TOP2B: variants seen among roughly 807,000 people sequenced by gnomAD.
TOP2B encodes DNA topoisomerase II beta.
In TOP2B, 51 loss-of-function variants were observed where a neutral mutation model predicts 193.5. That is an observed-to-expected ratio of 0.26 (90% confidence interval 0.21 to 0.33). The LOEUF is 0.33. TOP2B is among the 10% of genes least tolerant of loss of function. The pLI, the probability that TOP2B is intolerant of heterozygous loss-of-function variation, is 1.00. For missense variants in TOP2B, 1,378 were observed against 1,909.3 expected (o/e 0.72, Z 5.19); for synonymous variants, 634 against 635.7 (o/e 1.00, Z 0.04).
At chr3:25,608,965 C>T (rs937819699) in intron 30 of TOP2B, among the ~76,000 whole-genome samples, 1 of 152,034 alleles carries the variant, frequency 6.6e-6, no homozygotes, top group African/African-American at 2.4e-5. Flanking sequence ...ATAAACCAAA[C>T]TTTATAATAA....
intron 25 of TOP2B, among the ~76,000 whole-genome samples, chr3:25,617,912 C>T (rs1305204837): frequency 6.6e-6 from 1 of 152,066 alleles, no homozygotes; most frequent in Non-Finnish European, 1.5e-5. Flanking sequence ...AAATCTCTGG[C>T]TAAAAATCTA....
intron 1 of TOP2B, among the ~76,000 whole-genome samples, chr3:25,663,777 G>A (rs1277118293): frequency 1.3e-5 from 2 of 152,234 alleles, no homozygotes; most frequent in East Asian, 3.9e-4. Flanking sequence ...TGAGATTAAA[G>A]CCCCAGAAAG....
Position 25,635,998 on chromosome 3 carries a change from C to A in TOP2B, c.790G>T (p.Ala264Ser), listed in dbSNP as rs1703096078. The change falls in exon 7 of 36, where the codon GCA (alanine) becomes TCA (serine). Residue 264 changes from alanine (A) to serine (S), a missense_variant. By Grantham distance (99) the Ala-to-Ser change is moderately conservative. Transcript: ENST00000264331. ...CTACACGAACCAGCCAAATCATATG[C>A]CCTTCTAGTCATGAGGGCCACAATA... ...KDIVALMTRR[A>S]YDLAGSCRGV... The A allele has an allele frequency of 6.2e-7, 1 of 1,613,444 alleles. No individual in the cohort carries two copies. Among genetic ancestry groups the A allele is most frequent in the East Asian group, 2.2e-5 (1 of 44,840 alleles).
At chr3:25,612,413 G>T in intron 28 of TOP2B, 102 bp downstream of exon 28, 1 of 856,150 alleles carries the variant, frequency 1.2e-6, no homozygotes, top group South Asian at 2.5e-5. Context: ...AATATATTTT[G>T]AATAAAACAA....
In TOP2B at chr3:25,604,885, G is replaced by A; in HGVS notation, c.4379-15C>T. 2.5e-6 allele frequency: 4 copies of A among 1,584,986 alleles called. No individual in the cohort carries two copies. Among genetic ancestry groups the A allele is most frequent in the Non-Finnish European group, 3.5e-6 (4 of 1,155,842 alleles). ...TTTAGCTGAATCTAAAAATTGCAAAGCCTTCTTTTAGTAAAGAGATGTTAT... is the reference window on the plus strand; with the variant it reads ...TTTAGCTGAATCTAAAAATTGCAAAACCTTCTTTTAGTAAAGAGATGTTAT... On this transcript the variant is annotated splice_polypyrimidine_tract_variant and intron_variant, in intron 32 of 35. Coordinates refer to ENST00000264331, the MANE Select transcript of TOP2B (RefSeq NM_001330700.2).
At chr3:25,616,714 T>C (rs1199534710) in intron 25 of TOP2B, among the ~76,000 whole-genome samples, 1 of 151,926 alleles carries the variant, frequency 6.6e-6, no homozygotes, top group Non-Finnish European at 1.5e-5. Context: ...GTTAGACAAC[T>C]ATAAAAATAT....
At chr3:25,662,730 C>T (rs1703954144) in intron 1 of TOP2B, among the ~76,000 whole-genome samples, 1 of 152,160 alleles carries the variant, frequency 6.6e-6, no homozygotes, top group Admixed American at 6.5e-5. Flanking sequence ...AATGTTAAAG[C>T]CAACAATCCA....
At chr3:25,645,202 A>C in intron 2 of TOP2B, 98 bp downstream of exon 2, 1 of 1,158,718 alleles carries the variant, frequency 8.6e-7, no homozygotes, top group Non-Finnish European at 1.2e-6. Flanking sequence ...TGAAATTACA[A>C]ATTTCCAAAG....
In TOP2B at chr3:25,627,309, A is replaced by G. The variant is rs1216190482; in HGVS notation, c.1907-13T>C. 6.6e-7 allele frequency: 1 copy of G among 1,526,022 alleles called. No individual in the cohort carries two copies. The highest frequency in any genetic ancestry group is 8.8e-7 in the Non-Finnish European group (1 of 1,130,608). 94.5% of individuals were successfully genotyped at this position (1,526,022 alleles called of 1,614,324 possible). A position where few individuals can be genotyped will look rare whatever the true frequency, so the allele number is the denominator to read the frequency against. ...CTAGTACCCAATCCTGCACAATTTTAAAAATAAAAGTGAGTCATGAATATC... is the reference window on the plus strand; with the variant it reads ...CTAGTACCCAATCCTGCACAATTTTGAAAATAAAAGTGAGTCATGAATATC... On this transcript the variant is annotated splice_polypyrimidine_tract_variant and intron_variant, in intron 15 of 35. Coordinates refer to ENST00000264331, the MANE Select transcript of TOP2B (RefSeq NM_001330700.2).
In TOP2B at chr3:25,627,257, A is replaced by G; in HGVS notation, c.1946T>C (p.Phe649Ser). Residue 649 changes from phenylalanine to serine, a missense_variant, in exon 16 of 36, where the codon TTT becomes TCT. Phe to Ser is a radical substitution (Grantham distance 155). Transcript: ENST00000264331. ...GATGCGATGCCTTTCCATATCAGCA[A>G]AATATTCCTTTGCTTCTTTAGCTGT... is the stretch of plus-strand genomic sequence containing the variant. ...TSTAKEAKEYFADMERHRILF... is the reference protein window; with the variant it reads ...TSTAKEAKEYSADMERHRILF... 1 of 1,609,592 alleles carries G rather than the reference A, an allele frequency of 6.2e-7. No individual in the cohort carries two copies. Among genetic ancestry groups the G allele is most frequent in the Non-Finnish European group, 8.5e-7 (1 of 1,178,346 alleles).
In TOP2B at chr3:25,615,482, C is replaced by T; in HGVS notation, c.3456G>A (p.Trp1152Ter). Residue 1152 changes from tryptophan to a stop codon, truncating the protein, a stop_gained, in exon 26 of 36, where the codon TGG becomes TGA. Coordinates refer to ENST00000264331, the MANE Select transcript of TOP2B (RefSeq NM_001330700.2). LOFTEE classifies it high-confidence loss of function. ...CTTCAACTTTTTCTTTAGTAAGAGACCACAGAGACATATTTAAAATATAAT... is the reference window on the plus strand; with the variant it reads ...CTTCAACTTTTTCTTTAGTAAGAGATCACAGAGACATATTTAAAATATAAT... The part of the protein sequence containing the change: ...DFNYILNMSL[W>*]SLTKEKVEEL... 6.3e-7 allele frequency: 1 copy of T among 1,578,076 alleles called. No homozygotes were observed. Among genetic ancestry groups the T allele is most frequent in the Non-Finnish European group, 8.6e-7 (1 of 1,162,008 alleles).
At chr3:25,607,785 TTTC>T (rs1702270624) in intron 30 of TOP2B, among the ~76,000 whole-genome samples, 1 of 152,176 alleles carries the variant, frequency 6.6e-6, no homozygotes, top group South Asian at 2.1e-4. Flanking sequence ...AGTGCTAAAC[TTTC>T]TTGTTTTTTT....
At chr3:25,626,034 G>T (rs1336661112) in intron 18 of TOP2B, among the ~76,000 whole-genome samples, 1 of 151,418 alleles carries the variant, frequency 6.6e-6, no homozygotes, top group Non-Finnish European at 1.5e-5. Context: ...GCAATACAAA[G>T]ATCAACAAAC....
At position 25,601,124 on chromosome 3, in the gene TOP2B, G is replaced by C. The variant is rs1216301360; in HGVS notation, c.4591C>G (p.Pro1531Ala). The change falls in exon 34 of 36, where the codon CCA (proline) becomes GCA (alanine). Residue 1531 changes from proline to alanine, a missense_variant. By Grantham distance (27) the Pro-to-Ala change is conservative. Transcript: ENST00000264331. ...CCTTTTGGTGTTGTAGTCTTCTTTG[G>C]AATGCCAAATTCTGAATCCGAGTCA... ...NSDSDSEFGI[P>A]KKTTTPKGKG... The C allele has an allele frequency of 6.2e-7, 1 of 1,613,520 alleles. No homozygotes were observed. Among genetic ancestry groups the C allele is most frequent in the Non-Finnish European group, 8.5e-7 (1 of 1,179,722 alleles).
intron 28 of TOP2B, among the ~76,000 whole-genome samples, chr3:25,609,931 T>C (rs1182406041): frequency 1.3e-5 from 2 of 152,130 alleles, no homozygotes; most frequent in African/African-American, 4.8e-5. Flanking sequence ...GTACATTCAG[T>C]GAAATGACAG....
At position 25,628,890 on chromosome 3, in the gene TOP2B, T is replaced by C. The variant is rs765572594; in HGVS notation, c.1863A>G (p.Lys621=). 6.3e-7 allele frequency: 1 copy of C among 1,597,906 alleles called. No individual in the cohort carries two copies. The highest frequency in any genetic ancestry group is 1.2e-5 in the South Asian group (1 of 86,498). The part of the protein sequence containing the change: ...YSIPEFDEWK[K]HIENQKAWKI... ...TCCAGGCTTTCTGGTTTTCTATATG[T>C]TTTTTCCATTCGTCAAATTCAGGAA... Residue 621 remains lysine (K), a synonymous_variant, in exon 15 of 36, where the codon AAA becomes AAG. Coordinates refer to ENST00000264331, the MANE Select transcript of TOP2B (RefSeq NM_001330700.2).
chr3:25,620,732 C>T lies in TOP2B; in HGVS notation c.2812G>A (p.Asp938Asn). The change falls in exon 22 of 36, where the codon GAC becomes AAC. Residue 938 changes from aspartate (D) to asparagine (N), a missense_variant. Physicochemically the swap from Asp to Asn is conservative, Grantham distance 23. This residue lies in a region of TOP2B where 379 missense variants were observed against 615.1 expected (regional missense o/e 0.62). Coordinates refer to ENST00000264331, the MANE Select transcript of TOP2B (RefSeq NM_001330700.2). The part of the protein sequence containing the change: ...YAVSGEIFVV[D>N]RNTVEITELP... ...TCTGTAATTTCTACTGTGTTTCTGT[C>T]CACTACAAATATTTCACCACTGACT... is the stretch of plus-strand genomic sequence containing the variant. 1 of 1,613,064 alleles carries T rather than the reference C, an allele frequency of 6.2e-7. No homozygotes were observed. Among genetic ancestry groups the T allele is most frequent in the African/African-American group, 1.3e-5 (1 of 75,036 alleles).
chr3:25,634,896 A>C (rs1361455204), intron 7 of TOP2B, among the ~76,000 whole-genome samples: 1 of 152,016 alleles, frequency 6.6e-6, no homozygotes, highest in Non-Finnish European at 1.5e-5. Context: ...AATAGAGGGC[A>C]GAAAAAAAGT....
At chr3:25,653,630 A>G (rs998391389) in intron 1 of TOP2B, among the ~76,000 whole-genome samples, 4 of 152,144 alleles carry the variant, frequency 2.6e-5, no homozygotes, top group Non-Finnish European at 5.9e-5. Context: ...AGGTTTTACC[A>G]TATTGTCCAG....
Sources: allele counts gnomAD v4.1 joint callset (sites outside exome capture counted in the v4.1 genomes callset), GRCh38; gene constraint gnomAD v4.1.1; regional missense constraint gnomAD v4.1.1; transcripts MANE v1.5; gene names NCBI Gene and HGNC (gene_info 2026-07-23, HGNC 2026-07-21).